The following TMEM200C variants were observed in gnomAD, a reference collection of about 807,000 sequenced individuals.
The protein encoded by TMEM200C is transmembrane protein TTMA.
For missense variants in TMEM200C, 966 were observed against 699.9 expected, an observed-to-expected ratio of 1.38 and a Z score of -4.29; for synonymous variants, 462 against 324.7, an observed-to-expected ratio of 1.42 and a Z score of -4.55.
upstream of TMEM200C, chr18:5,896,009 A>G (rs1352269501): frequency 6.6e-6 from 1 of 150,926 alleles, no homozygotes; most frequent in Admixed American, 6.6e-5. Flanking sequence ...TGTTGCCTCT[A>G]CTCCTCGGCA....
exon 3 of TMEM200C, chr18:5,883,321 A>G (rs1204645239): frequency 6.6e-6 from 1 of 152,128 alleles, no homozygotes; most frequent in Non-Finnish European, 1.5e-5. Flanking sequence ...ACTTTAATAG[A>G]ATATTTGTTT....
At chr18:5,890,876 G>A in exon 3 of TMEM200C, 2 of 682,390 alleles carry the variant, frequency 2.9e-6, no homozygotes, top group Admixed American at 2.1e-5. Context: ...TGCAGCTCGC[G>A]CCCTCCGCGT....
In TMEM200C at chr18:5,891,578, A is replaced by C. The variant is rs1006804040; in HGVS notation, c.486T>G (p.Ser162=). Residue 162 remains serine (S), a synonymous_variant, in exon 3 of 3, where the codon TCT becomes TCG. Coordinates refer to ENST00000581347, the Ensembl canonical transcript of TMEM200C. This position sits in a 1 kb window ranked among gnomAD's most constrained non-coding sequence, Gnocchi z 4.7. The stretch of plus-strand genomic sequence containing the variant: ...GGGGCCCGAAGACCTTGAGCTTGTC[A>C]GAGTGCAGGTAGCCAGAGAAGATGC... 6.2e-7 allele frequency: 1 copy of C among 1,613,810 alleles called. No homozygotes were observed. The highest frequency in any genetic ancestry group is 1.3e-5 in the African/African-American group (1 of 75,028).
chr18:5,887,383 T>C (rs2095166173), exon 3 of TMEM200C: 1 of 152,216 alleles, frequency 6.6e-6, no homozygotes, highest in Non-Finnish European at 1.5e-5. Context: ...TCCAGCTTTT[T>C]ATCTGACTGT....
chr18:5,890,295 G>A, exon 3 of TMEM200C: 12 of 1,600,164 alleles, frequency 7.5e-6, no homozygotes, highest in Non-Finnish European at 1.0e-5. Context: ...CCTCTGCACC[G>A]GCTGAGGTTG....
In TMEM200C at chr18:5,891,601, T is replaced by C; in HGVS notation, c.463A>G (p.Ile155Val). 3 of 1,613,700 alleles carry C rather than the reference T, an allele frequency of 1.9e-6. No individual in the cohort carries two copies. In the South Asian group the frequency reaches 3.3e-5, roughly 18 times the overall value. Residue 155 changes from isoleucine (I) to valine (V), a missense_variant, in exon 3 of 3, where the codon ATC becomes GTC. Transcript: ENST00000581347. The surrounding 1 kb of genome is among the most constrained non-coding windows in gnomAD (Gnocchi z 4.7). ...TCAGAGTGCAGGTAGCCAGAGAAGA[T>C]GCGGAAGAAGAAGCCCACGGACGTG...
At chr18:5,895,610 C>G (rs1406212609) in intron 1 of TMEM200C, 88 bp from the exon 1 acceptor site, 4 of 143,168 alleles carry the variant, frequency 2.8e-5, no homozygotes, top group African/African-American at 5.2e-5. Flanking sequence ...CGCCCCCCCC[C>G]ACGCCGCCGG....
At chr18:5,890,185 C>T in exon 3 of TMEM200C, 1 of 1,517,380 alleles carries the variant, frequency 6.6e-7, no homozygotes, top group Non-Finnish European at 8.9e-7. Flanking sequence ...TCCTCCCCAA[C>T]CCACCCCTTT....
Position 5,891,075 on chromosome 18 carries a change from G to A in TMEM200C, c.989C>T (p.Ser330Leu), listed in dbSNP as rs1407799291. 5.6e-6 allele frequency: 3 copies of A among 534,772 alleles called. No individual in the cohort carries two copies. The highest frequency in any genetic ancestry group is 2.0e-5 in the African/African-American group (1 of 49,180). The allele number at this position is 534,772 out of a possible 1,614,324, so 33.1% of individuals were successfully genotyped here. Residue 330 changes from serine to leucine, a missense_variant, in exon 3 of 3, where the codon TCG becomes TTG. Ser to Leu is a moderately radical substitution (Grantham distance 145, BLOSUM62 -2). Coordinates refer to ENST00000581347, the Ensembl canonical transcript of TMEM200C. This position sits in a 1 kb window ranked among gnomAD's most constrained non-coding sequence, Gnocchi z 4.7. Reference sequence around the variant, plus strand: ...GGCCCGGCGACTGCCTGCCACGCCCGAGCGCTCGCGGTAGACGCTGTACAC... The same window carrying A: ...GGCCCGGCGACTGCCTGCCACGCCCAAGCGCTCGCGGTAGACGCTGTACAC...
chr18:5,892,179 T>A (rs2095171960), intron 2 of TMEM200C, 22 bp from the exon 2 acceptor site: 1 of 1,017,994 alleles, frequency 9.8e-7, no homozygotes, highest in Non-Finnish European at 1.4e-6. Context: ...AGGAAGACAG[T>A]CAGAGGGTGT....
At chr18:5,890,125 A>T (rs2095168491) in exon 3 of TMEM200C, 1 of 1,349,962 alleles carries the variant, frequency 7.4e-7, no homozygotes, top group East Asian at 2.5e-5. Flanking sequence ...AGAAACAGGG[A>T]CCTGTTAATG....
At chr18:5,895,499 GAC>G (rs1469097916) in intron 1 of TMEM200C, 4 of 149,362 alleles carry the variant, frequency 2.7e-5, no homozygotes, top group African/African-American at 9.7e-5. Context: ...CCGGAGCCAT[GAC>G]ACAGGGAAAT....
chr18:5,892,155 C>T, exon 3 of TMEM200C: 2 of 1,243,310 alleles, frequency 1.6e-6, no homozygotes, highest in Non-Finnish European at 2.2e-6. Context: ...CCACCTCCTC[C>T]TGCTGCAAAG....
intron 2 of TMEM200C, among the ~76,000 whole-genome samples, chr18:5,894,482 T>G (rs969844948): frequency 6.6e-6 from 1 of 152,178 alleles, no homozygotes; most frequent in Non-Finnish European, 1.5e-5. Flanking sequence ...CAGTCAAGCT[T>G]GGCTGCCCTC....
chr18:5,891,638 C>T lies in TMEM200C; in HGVS notation c.426G>A (p.Pro142=), dbSNP rs28656885. The T allele has an allele frequency of 3.1e-6, 5 of 1,613,426 alleles. No homozygotes were observed. Among genetic ancestry groups the T allele is most frequent in the Non-Finnish European group, 3.4e-6 (4 of 1,179,708 alleles). The change falls in exon 3 of 3, where the codon CCG becomes CCA. Residue 142 remains proline, a synonymous_variant. Transcript: ENST00000581347. This position sits in a 1 kb window ranked among gnomAD's most constrained non-coding sequence, Gnocchi z 4.7. ...AGCCCACGGACGTGGAGGAGGAGGA[C>T]GGGGAGGCGGCTCGTGCTGGAGGCG... is the stretch of plus-strand genomic sequence containing the variant.
rs145575479 is a variant in TMEM200C, at chr18:5,893,282, C to CTGTTT, written c.-94-1130_-94-1126dup. On this transcript the variant is annotated intron_variant, in intron 2 of 2. Coordinates refer to ENST00000581347, the Ensembl canonical transcript of TMEM200C. ...GAATGACATTTCCCCCAAGCCAAAACTGTTTTGTTTTGTTTTGTTTTTCCC... is the reference window on the plus strand; with the variant it reads ...GAATGACATTTCCCCCAAGCCAAAACTGTTTTGTTTTGTTTTGTTTTGTTTTTCCC... 3.3e-5 allele frequency among the ~76,000 whole-genome samples: 5 copies of CTGTTT among 152,122 alleles called. No individual in the cohort carries two copies. The South Asian group carries it at 1.0e-3, about 32-fold the overall frequency.
intron 2 of TMEM200C, 50 bp from the exon 2 acceptor site, chr18:5,892,207 C>A: frequency 1.3e-6 from 1 of 791,398 alleles, no homozygotes; most frequent in Non-Finnish European, 2.0e-6. Context: ...GCTGCAGTGA[C>A]ATCTCACGCT....
At chr18:5,890,401 C>G in exon 3 of TMEM200C, 1 of 1,580,234 alleles carries the variant, frequency 6.3e-7, no homozygotes, top group African/African-American at 1.3e-5. Context: ...GTTTGACCAG[C>G]TACTGCGTCC....
exon 3 of TMEM200C, chr18:5,888,828 C>A (rs145975493): frequency 6.6e-6 from 1 of 152,298 alleles, no homozygotes; most frequent in Non-Finnish European, 1.5e-5. Context: ...TGGTTCTCTT[C>A]ATTTTACAGA....
Sources: allele counts gnomAD v4.1 joint callset (sites outside exome capture counted in the v4.1 genomes callset), GRCh38; gene constraint gnomAD v4.1.1; non-coding constraint Gnocchi (gnomAD v3.1); transcripts MANE v1.5; gene names NCBI Gene and HGNC (gene_info 2026-07-23, HGNC 2026-07-21).